Variants in STAM2 observed in about 807,000 individuals in gnomAD.
The protein encoded by STAM2 is signal transducing adaptor molecule 2.
In STAM2, 51 loss-of-function variants were observed where a neutral mutation model predicts 65.6. The ratio of observed to expected loss-of-function variants is 0.78; its 90% CI spans 0.62 to 0.98. The LOEUF (loss-of-function observed/expected upper bound fraction) is 0.98. Ranked by LOEUF, STAM2 falls within the 50% of genes least tolerant of loss-of-function variation. The pLI is 0.00. For synonymous variants in STAM2, 198 were observed against 208.4 expected (o/e 0.95, Z 0.43); for missense variants, 584 against 617.8 (o/e 0.95, Z 0.58).
At chr2:152,131,729 G>A (rs1239768366) in intron 11 of STAM2, 2 of 213,318 alleles carry the variant, frequency 9.4e-6, no homozygotes, top group African/African-American at 4.7e-5. Context: ...GAAATAGAGT[G>A]CTATACAATG....
intron 6 of STAM2, 88 bp from the exon 7 acceptor site, chr2:152,144,101 A>T: frequency 7.9e-7 from 1 of 1,270,592 alleles, no homozygotes; most frequent in Non-Finnish European, 1.1e-6. Flanking sequence ...AATAAGAATA[A>T]ATCAAGCATT....
At position 152,153,967 on chromosome 2, in the gene STAM2, T is replaced by C. The variant is rs1689495700; in HGVS notation, c.41-3738A>G. Among the ~76,000 whole-genome samples, 3 of 151,128 alleles carry C rather than the reference T, an allele frequency of 2.0e-5. No homozygotes were observed. In the South Asian group the frequency reaches 6.3e-4, roughly 32 times the overall value. On this transcript the variant is annotated intron_variant, in intron 1 of 13. Coordinates refer to ENST00000263904, the MANE Select transcript of STAM2 (RefSeq NM_005843.6). Reference sequence around the variant, plus strand: ...CAAAATTAAATAAAATAGTATAAGGTGTATAAAGGCAGCACCCAAAAACAG... The same window carrying C: ...CAAAATTAAATAAAATAGTATAAGGCGTATAAAGGCAGCACCCAAAAACAG...
chr2:152,148,253 A>G lies in STAM2; in HGVS notation c.173T>C (p.Val58Ala). The G allele has an allele frequency of 6.2e-7, 1 of 1,611,858 alleles. No individual in the cohort carries two copies. ...TAGTGCTTGCAGAGCAACATGTGGA[A>G]CCTTATGATTTACCCTTTTCATTAT... ...KAIMKRVNHK[V>A]PHVALQALTL... Residue 58 changes from valine to alanine, a missense_variant, in exon 3 of 14, where the codon GTT becomes GCT. Val to Ala is a moderately conservative substitution (Grantham distance 64). Transcript: ENST00000263904.
chr2:152,151,809 T>C (rs1011556290), intron 1 of STAM2, among the ~76,000 whole-genome samples: 3 of 152,236 alleles, frequency 2.0e-5, no homozygotes, highest in Non-Finnish European at 4.4e-5. Context: ...GGCATAATGT[T>C]TGCAAGGGTC....
intron 1 of STAM2, among the ~76,000 whole-genome samples, chr2:152,159,577 T>G (rs527780176): frequency 1.2e-4 from 19 of 152,328 alleles, no homozygotes; most frequent in African/African-American, 4.3e-4. Context: ...CTCTATCATC[T>G]CCTGAGCGTC....
intron 1 of STAM2, among the ~76,000 whole-genome samples, chr2:152,155,193 T>C (rs76758175): frequency 0.051 from 7,702 of 152,274 alleles, 563 homozygotes; most frequent in African/African-American, 0.16. Context: ...AAGTAGGTGC[T>C]CCATAAATAT....
intron 13 of STAM2, 125 bp from the exon 14 acceptor site, chr2:152,120,927 A>T (rs2105524976): frequency 3.0e-6 from 2 of 673,236 alleles, no homozygotes; most frequent in Non-Finnish European, 2.5e-6. Flanking sequence ...TGCTGTTCTG[A>T]TTACAATTTA....
chr2:152,128,173 C>T (rs911480119), intron 11 of STAM2, among the ~76,000 whole-genome samples: 1 of 152,056 alleles, frequency 6.6e-6, no homozygotes, highest in Non-Finnish European at 1.5e-5. Flanking sequence ...TTTGGGAGGC[C>T]GAGGCAGGCA....
intron 1 of STAM2, among the ~76,000 whole-genome samples, chr2:152,174,535 T>C (rs1424282296): frequency 2.0e-5 from 3 of 152,340 alleles, no homozygotes; most frequent in Middle Eastern, 3.4e-3. Context: ...TTACACAACG[T>C]ATCAGAATAG....
chr2:152,135,636 C>T (rs780924106), intron 7 of STAM2, 33 bp from the exon 8 acceptor site: 20 of 1,395,816 alleles, frequency 1.4e-5, no homozygotes, highest in Non-Finnish European at 1.8e-5. Flanking sequence ...ATCATTTGTT[C>T]CCCACATTTT....
chr2:152,123,972 C>A, intron 12 of STAM2, 37 bp from the exon 13 acceptor site: 3 of 1,533,942 alleles, frequency 2.0e-6, no homozygotes, highest in South Asian at 1.1e-5. Context: ...TCACTCATCT[C>A]CCAAACATGT....
intron 2 of STAM2, among the ~76,000 whole-genome samples, chr2:152,149,652 T>C (rs978517327): frequency 2.0e-5 from 3 of 152,022 alleles, no homozygotes; most frequent in Non-Finnish European, 4.4e-5. Flanking sequence ...CGCACACCAT[T>C]ATGTCCAGCT....
At chr2:152,160,145 C>T (rs912348875) in intron 1 of STAM2, among the ~76,000 whole-genome samples, 41 of 152,272 alleles carry the variant, frequency 2.7e-4, no homozygotes, top group African/African-American at 9.9e-4. Flanking sequence ...TCTGCCCGGC[C>T]GCCACCCCGT....
rs1688830873 is a variant in STAM2 at position 152,120,471 on chromosome 2, C to T, written c.*103G>A. 1.1e-6 allele frequency: 1 copy of T among 937,212 alleles called. No individual in the cohort carries two copies. The highest frequency in any genetic ancestry group is 1.7e-5 in the African/African-American group (1 of 59,700). 58.1% of individuals were successfully genotyped at this position (937,212 alleles called of 1,614,324 possible). ...TTTTGTGCTTTATTTATTCATGGTC[C>T]TTTTGAGTTGAGAGGGAAAAAAGTT... On this transcript the variant is annotated 3_prime_UTR_variant, in exon 14 of 14. Coordinates refer to ENST00000263904, the MANE Select transcript of STAM2 (RefSeq NM_005843.6).
chr2:152,135,399 T>A (rs891959870), intron 8 of STAM2, 110 bp downstream of exon 8: 9 of 764,880 alleles, frequency 1.2e-5, no homozygotes, highest in Middle Eastern at 3.6e-4. Flanking sequence ...TATAAAGAAA[T>A]GATTTAAAAC....
intron 1 of STAM2, among the ~76,000 whole-genome samples, chr2:152,171,366 C>T (rs964083739): frequency 3.3e-5 from 5 of 151,904 alleles, no homozygotes; most frequent in Non-Finnish European, 1.5e-5. Context: ...AGAAAAAAAA[C>T]TGGCTGTTAA....
At chr2:152,132,330 T>C (rs1239334763) in intron 10 of STAM2, among the ~76,000 whole-genome samples, 162 bp from the exon 11 acceptor site, 1 of 152,224 alleles carries the variant, frequency 6.6e-6, no homozygotes, top group African/African-American at 2.4e-5. Flanking sequence ...TACTACATAT[T>C]ACTATCATGT....
intron 1 of STAM2, among the ~76,000 whole-genome samples, chr2:152,158,878 T>G (rs999503296): frequency 1.3e-5 from 2 of 151,700 alleles, no homozygotes; most frequent in East Asian, 3.9e-4. Flanking sequence ...GGAGGTACTC[T>G]CATGACGTAA....
intron 13 of STAM2, among the ~76,000 whole-genome samples, chr2:152,122,061 T>A (rs199916471): frequency 0.24 from 27,267 of 113,412 alleles, 2,731 homozygotes; most frequent in East Asian, 0.53. Context: ...AAAAAAAATA[T>A]ATATATATAT....
Sources: gnomAD v4.1 joint callset for allele counts (sites outside exome capture counted in the v4.1 genomes callset) on GRCh38, gnomAD v4.1.1 for gene constraint, MANE v1.5 for transcripts, NCBI Gene and HGNC (gene_info 2026-07-23, HGNC 2026-07-21) for gene names.